NUDT7: variants seen among roughly 807,000 people sequenced by gnomAD.
NUDT7 encodes the protein nudix hydrolase 7.
Under a neutral mutation model 13.1 loss-of-function variants are expected in NUDT7, and 19 were observed. The ratio of observed to expected loss-of-function variants is 1.45; its 90% CI spans 1.01 to 2.13. NUDT7 has a LOEUF of 2.13. Among genes scored for constraint, NUDT7 ranks in the 30% most tolerant of loss-of-function variants. The pLI, the probability that NUDT7 is intolerant of heterozygous loss-of-function variation, is 0.00. For missense variants in NUDT7, 360 were observed against 291.7 expected, an observed-to-expected ratio of 1.23 and a Z score of -1.71; for synonymous variants, 132 against 109.7, an observed-to-expected ratio of 1.20 and a Z score of -1.27.
intron 2 of NUDT7, 127 bp from the exon 3 acceptor site, chr16:77,735,701 C>T (rs2014458113): frequency 1.2e-6 from 1 of 867,550 alleles, no homozygotes; most frequent in African/African-American, 1.7e-5. Flanking sequence ...CAATAGGGGT[C>T]TTGATACCAC....
At chr16:77,734,027 C>T (rs1597116134) in intron 2 of NUDT7, among the ~76,000 whole-genome samples, 1 of 152,130 alleles carries the variant, frequency 6.6e-6, no homozygotes, top group Non-Finnish European at 1.5e-5. Flanking sequence ...ACTGTCAGTT[C>T]TCCTAAAGGC....
At chr16:77,731,565 G>T (rs1487779996) in intron 2 of NUDT7, among the ~76,000 whole-genome samples, 2 of 152,138 alleles carry the variant, frequency 1.3e-5, no homozygotes, top group African/African-American at 4.8e-5. Context: ...GATAAAAAAT[G>T]ACATTTCTGG....
At chr16:77,723,627 C>A (rs2014036448) in intron 1 of NUDT7, among the ~76,000 whole-genome samples, 1 of 140,164 alleles carries the variant, frequency 7.1e-6, no homozygotes, top group Non-Finnish European at 1.5e-5. Context: ...GAGTCTCACT[C>A]TGCCGCCCTG....
intron 2 of NUDT7, among the ~76,000 whole-genome samples, chr16:77,726,287 A>G (rs1003031464): frequency 1.3e-5 from 2 of 152,220 alleles, no homozygotes; most frequent in African/African-American, 4.8e-5. Flanking sequence ...AGCTGCTATG[A>G]ACATTTCACA....
chr16:77,734,378 C>T (rs1378849826), intron 2 of NUDT7, among the ~76,000 whole-genome samples: 2 of 152,126 alleles, frequency 1.3e-5, no homozygotes, highest in Non-Finnish European at 2.9e-5. Flanking sequence ...AATGCCAGCA[C>T]TTTGGGAGGC....
chr16:77,723,758 A>T (rs1286916885), intron 1 of NUDT7, among the ~76,000 whole-genome samples: 1 of 151,892 alleles, frequency 6.6e-6, no homozygotes, highest in Non-Finnish European at 1.5e-5. Flanking sequence ...TGCCCGGCTA[A>T]TTTTTGTATG....
At chr16:77,730,284 C>G (rs79123226) in intron 2 of NUDT7, among the ~76,000 whole-genome samples, 19 of 152,052 alleles carry the variant, frequency 1.2e-4, no homozygotes, top group Non-Finnish European at 2.4e-4. Context: ...CAACCTCCCC[C>G]CAAACCACCT....
rs1301511721 is a variant in NUDT7 at position 77,722,618 on chromosome 16, G to A, written c.35+1G>A. The A allele has an allele frequency of 6.3e-7, 1 of 1,593,402 alleles. No homozygotes were observed. The highest frequency in any genetic ancestry group is 1.3e-5 in the African/African-American group (1 of 74,622). The stretch of plus-strand genomic sequence containing the variant: ...TTGGTCTTCCCGAGGAGCCAGTCAG[G>A]TAAAGGCTTTCCGGGCCCTGGCACC... On this transcript the variant is annotated splice_donor_variant, in intron 1 of 3. Transcript: ENST00000268533. LOFTEE classifies it high-confidence loss of function.
At chr16:77,722,716 G>T (rs2914456) in intron 1 of NUDT7, 99 bp downstream of exon 1, 1 of 1,171,528 alleles carries the variant, frequency 8.5e-7, no homozygotes. Flanking sequence ...TGATTTTGCA[G>T]CTCCCGCCAG....
At position 77,722,555 on chromosome 16, in the gene NUDT7, C is replaced by G. The variant is rs554150697; in HGVS notation, c.-28C>G. ...ACCGACCGAGCAGCTCCGAGGAGTC[C>G]GCCCGGAAACAAACATTCCCCAGGG... On this transcript the variant is annotated 5_prime_UTR_variant, in exon 1 of 4. Coordinates refer to ENST00000268533, the MANE Select transcript of NUDT7 (RefSeq NM_001105663.3). 29 of 1,572,018 alleles carry G rather than the reference C, an allele frequency of 1.8e-5. No individual in the cohort carries two copies. The highest frequency in any genetic ancestry group is 2.4e-5 in the Non-Finnish European group (28 of 1,157,594).
At chr16:77,728,602 G>A (rs146323345) in intron 2 of NUDT7, among the ~76,000 whole-genome samples, 3 of 152,280 alleles carry the variant, frequency 2.0e-5, no homozygotes, top group East Asian at 1.9e-4. Context: ...TGAAAACAGC[G>A]CCTCATGTGC....
At chr16:77,736,031 G>C (rs746469102) in intron 3 of NUDT7, 45 bp downstream of exon 3, 12 of 1,570,108 alleles carry the variant, frequency 7.6e-6, no homozygotes, top group Admixed American at 3.3e-5. Context: ...CCCACCCCCA[G>C]GTGGATCTAC....
In NUDT7 at chr16:77,722,581, C is replaced by T. The variant is rs1439986385; in HGVS notation, c.-2C>T. ...GCCCGGAAACAAACATTCCCCAGGG[C>T]AATGTCACGACTTGGTCTTCCCGAG... On this transcript the variant is annotated 5_prime_UTR_variant, in exon 1 of 4. Transcript: ENST00000268533. 5.7e-6 allele frequency: 9 copies of T among 1,590,138 alleles called. No individual in the cohort carries two copies. Among genetic ancestry groups the T allele is most frequent in the Admixed American group, 1.7e-5 (1 of 57,492 alleles).
At chr16:77,726,956 G>GGCAGAA (rs1372900502) in intron 2 of NUDT7, among the ~76,000 whole-genome samples, 1 of 115,510 alleles carries the variant, frequency 8.7e-6, no homozygotes, top group African/African-American at 3.8e-5. Flanking sequence ...TCATGGCAGA[G>GGCAGAA]GGGGAGCAGG....
chr16:77,728,390 G>A (rs558290577), intron 2 of NUDT7, among the ~76,000 whole-genome samples: 118 of 152,172 alleles, frequency 7.8e-4, no homozygotes, highest in Admixed American at 2.0e-3. Context: ...ACGCCACCAC[G>A]CCTGGCTAAT....
At chr16:77,737,374 A>T (rs2014519850) in intron 3 of NUDT7, 1 of 152,068 alleles carries the variant, frequency 6.6e-6, no homozygotes, top group Non-Finnish European at 1.5e-5. Context: ...GGTTTGTCTG[A>T]TATTTTTCTC....
chr16:77,741,096 C>G (rs1396878190), intron 3 of NUDT7, among the ~76,000 whole-genome samples: 5 of 152,066 alleles, frequency 3.3e-5, no homozygotes, highest in Non-Finnish European at 2.9e-5. Context: ...AGATGTCTAT[C>G]CCATTGTTTT....
chr16:77,741,417 G>A (rs2014655938), intron 3 of NUDT7, 165 bp from the exon 4 acceptor site: 2 of 625,546 alleles, frequency 3.2e-6, no homozygotes, highest in South Asian at 4.3e-5. Context: ...AGAGCAGGAT[G>A]ACTCCCATTT....
At chr16:77,728,155 G>T (rs1197183688) in intron 2 of NUDT7, among the ~76,000 whole-genome samples, 1 of 152,140 alleles carries the variant, frequency 6.6e-6, no homozygotes, top group Non-Finnish European at 1.5e-5. Flanking sequence ...TTTCCCCCCA[G>T]TGGATGGGGA....
Sources: gnomAD v4.1 joint callset for allele counts (sites outside exome capture counted in the v4.1 genomes callset) on GRCh38, gnomAD v4.1.1 for gene constraint, MANE v1.5 for transcripts, NCBI Gene and HGNC (gene_info 2026-07-23, HGNC 2026-07-21) for gene names.